Variants in SPTA1 observed in about 807,000 individuals in gnomAD.
The protein encoded by SPTA1 is spectrin alpha chain, erythrocytic 1.
In SPTA1, 177 loss-of-function variants were observed where a neutral mutation model predicts 324.7. The observed-to-expected ratio is 0.55, with a 90% CI of 0.48 to 0.62. The LOEUF (loss-of-function observed/expected upper bound fraction) is 0.62, where lower values mean the gene tolerates loss of function less well. Ranked by LOEUF, SPTA1 falls within the 20% of genes least tolerant of loss-of-function variation. The pLI is 0.00. For synonymous variants in SPTA1, 1,195 were observed against 1,041.3 expected (o/e 1.15, Z -2.84); for missense variants, 3,162 against 2,883.6 (o/e 1.10, Z -2.21).
chr1:158,652,815 A>G (rs1202202645), intron 22 of SPTA1, among the ~76,000 whole-genome samples, 162 bp from the exon 23 acceptor site: 1 of 152,220 alleles, frequency 6.6e-6, no homozygotes, highest in Admixed American at 6.5e-5. Flanking sequence ...TAGAAGGAAA[A>G]CAGCCTTGGG....
rs753570900 is a variant in SPTA1 at position 158,644,254 on chromosome 1, TG to T, written c.4336del (p.Gln1446ArgfsTer8). The T allele has an allele frequency of 6.2e-7, 1 of 1,613,848 alleles. No homozygotes were observed. The highest frequency in any genetic ancestry group is 2.2e-5 in the East Asian group (1 of 44,870). On this transcript the variant is annotated frameshift_variant and splice_region_variant, in exon 30 of 52. Transcript: ENST00000643759. LOFTEE classifies it high-confidence loss of function. ...RDDLDKAITA[Q>X]EGKITDLEHF... ...AATTCCTTTACTAGTCATTATTACC[TG>T]GGCAGTGATTGCTTTGTCCAAATCG...
Position 158,685,336 on chromosome 1 carries a change from G to T in SPTA1, c.36C>A (p.Ser12Arg), listed in dbSNP as rs776887942. 6.2e-7 allele frequency: 1 copy of T among 1,613,360 alleles called. No individual in the cohort carries two copies. Among genetic ancestry groups the T allele is most frequent in the South Asian group, 1.1e-5 (1 of 91,074 alleles). The change falls in exon 2 of 52, where the codon AGC (serine) becomes AGA (arginine). Residue 12 changes from serine (S) to arginine (R), a missense_variant. Physicochemically the swap from Ser to Arg is moderately radical, Grantham distance 110. Coordinates refer to ENST00000643759, the MANE Select transcript of SPTA1 (RefSeq NM_003126.4). ...EQFPKETVVE[S>R]SGPKVLETAE... The stretch of plus-strand genomic sequence containing the variant: ...CTGTTTCCAAAACCTTTGGCCCACT[G>T]CTCTCCACAACCTGCAAGTTAAAAA...
chr1:158,657,710 A>G lies in SPTA1; in HGVS notation c.2588-16T>C, dbSNP rs977123945. On this transcript the variant is annotated splice_polypyrimidine_tract_variant and intron_variant, in intron 18 of 51. Transcript: ENST00000643759. ...GCAAAGTGTCCTATGGAGTAATTAT[A>G]GAAAAGGTGAGTATGATCCTCATGA... 6 of 1,612,432 alleles carry G rather than the reference A, an allele frequency of 3.7e-6. No individual in the cohort carries two copies. Among genetic ancestry groups the G allele is most frequent in the Non-Finnish European group, 4.2e-6 (5 of 1,178,624 alleles).
intron 4 of SPTA1, 143 bp downstream of exon 4, chr1:158,681,384 G>A (rs1208592455): frequency 3.6e-5 from 46 of 1,284,256 alleles, no homozygotes; most frequent in Non-Finnish European, 5.0e-5. Context: ...CTACATTTTG[G>A]CCCCAATTTC....
chr1:158,629,071 G>A (rs1028107921), intron 39 of SPTA1, among the ~76,000 whole-genome samples: 11 of 151,808 alleles, frequency 7.2e-5, no homozygotes, highest in African/African-American at 9.7e-5. Flanking sequence ...AAACACCTTC[G>A]CAAAGTCAGC....
chr1:158,648,878 C>T (rs190014665), intron 25 of SPTA1, among the ~76,000 whole-genome samples: 1 of 151,278 alleles, frequency 6.6e-6, no homozygotes, highest in Admixed American at 6.7e-5. Flanking sequence ...TTAAATAGAT[C>T]AGAAAACTGA....
At chr1:158,615,999 C>T (rs376960601) in intron 47 of SPTA1, among the ~76,000 whole-genome samples, 8 of 152,246 alleles carry the variant, frequency 5.3e-5, no homozygotes, top group Non-Finnish European at 4.4e-5. Flanking sequence ...GAATATTGCT[C>T]ATAAGGGTAA....
At chr1:158,643,007 C>G in intron 31 of SPTA1, 31 bp from the exon 32 acceptor site, 1 of 1,612,714 alleles carries the variant, frequency 6.2e-7, no homozygotes, top group Non-Finnish European at 8.5e-7. Context: ...ACTCTATGCC[C>G]TCCTCCACCC....
At position 158,622,998 on chromosome 1, in the gene SPTA1, C is replaced by T; in HGVS notation, c.6105G>A (p.Gln2035=). The change falls in exon 43 of 52, where the codon CAG becomes CAA. Residue 2035 remains glutamine, a synonymous_variant. Coordinates refer to ENST00000643759, the MANE Select transcript of SPTA1 (RefSeq NM_003126.4). ...AVHRQKLLEK[Q]LPLQKAEDLF... The stretch of plus-strand genomic sequence containing the variant: ...TTTTTTAAACCTTCTGTAGAGGCAG[C>T]TGTTTCTCCAGCAATTTCTGTCTGT... 1 of 1,614,126 alleles carries T rather than the reference C, an allele frequency of 6.2e-7. No individual in the cohort carries two copies. The highest frequency in any genetic ancestry group is 8.5e-7 in the Non-Finnish European group (1 of 1,179,962).
intron 45 of SPTA1, among the ~76,000 whole-genome samples, chr1:158,618,878 T>C: frequency 6.6e-6 from 1 of 152,158 alleles, no homozygotes; most frequent in South Asian, 2.1e-4. Context: ...AGTGAGGTAA[T>C]GGATATGGAA....
chr1:158,676,140 C>A lies in SPTA1; in HGVS notation c.1112+1G>T, dbSNP rs1321670820. 1 of 1,613,452 alleles carries A rather than the reference C, an allele frequency of 6.2e-7. No homozygotes were observed. Among genetic ancestry groups the A allele is most frequent in the Non-Finnish European group, 8.5e-7 (1 of 1,179,580 alleles). The stretch of plus-strand genomic sequence containing the variant: ...AGCAATAAAGGGGAGGGATTTCCCA[C>A]CAATAAGTAGCCTGCAGTTTTTCAT... On this transcript the variant is annotated splice_donor_variant, in intron 8 of 51. Transcript: ENST00000643759. LOFTEE classifies it high-confidence loss of function.
intron 13 of SPTA1, 38 bp downstream of exon 13, chr1:158,669,671 T>A (rs1180349564): frequency 1.9e-6 from 3 of 1,613,896 alleles, no homozygotes; most frequent in Non-Finnish European, 2.5e-6. Flanking sequence ...TTGATTCTAG[T>A]GTGTAGGCAC....
Position 158,661,308 on chromosome 1 carries a change from C to T in SPTA1, c.2566G>A (p.Gly856Arg), listed in dbSNP as rs918051596. ...ATACCTTCCTCTACCATTTTGTTTCCCCTTTCTGTTATCTCTTGAATGCGT... is the reference window on the plus strand; with the variant it reads ...ATACCTTCCTCTACCATTTTGTTTCTCCTTTCTGTTATCTCTTGAATGCGT... Reference protein sequence around the residue: ...EPRIQEITERGNKMVEEGHFA... With the variant: ...EPRIQEITERRNKMVEEGHFA... Residue 856 changes from glycine (G) to arginine (R), a missense_variant, in exon 18 of 52, where the codon GGA becomes AGA. Gly to Arg is a moderately radical substitution (Grantham distance 125). Transcript: ENST00000643759. The T allele has an allele frequency of 3.1e-6, 5 of 1,613,704 alleles. No individual in the cohort carries two copies. The highest frequency in any genetic ancestry group is 1.3e-5 in the African/African-American group (1 of 74,850).
rs1655168871 is a variant in SPTA1, at chr1:158,686,270, T to C, written c.24+224A>G. On this transcript the variant is annotated intron_variant, in intron 1 of 51. Transcript: ENST00000643759. ...GTTATTTAGCTTCAATCTCCCTACTTATTCTCTCTGGGAACCGACTTAAGT... is the reference window on the plus strand; with the variant it reads ...GTTATTTAGCTTCAATCTCCCTACTCATTCTCTCTGGGAACCGACTTAAGT... Among the ~76,000 whole-genome samples the C allele has an allele frequency of 2.6e-5, 4 of 152,208 alleles. No individual in the cohort carries two copies. The South Asian group carries it at 8.3e-4, about 31-fold the overall frequency.
intron 15 of SPTA1, among the ~76,000 whole-genome samples, chr1:158,666,866 T>A (rs951709904): frequency 6.6e-6 from 1 of 152,152 alleles, no homozygotes; most frequent in African/African-American, 2.4e-5. Context: ...AGAAGCATAA[T>A]GAGGTTGGTT....
At chr1:158,621,340 A>G (rs529537896) in intron 43 of SPTA1, among the ~76,000 whole-genome samples, 3 of 152,342 alleles carry the variant, frequency 2.0e-5, no homozygotes, top group South Asian at 2.1e-4. Flanking sequence ...ATTAAAAAGA[A>G]GAAAACTGGC....
In SPTA1 at chr1:158,669,745, A is replaced by G. The variant is rs35932551; in HGVS notation, c.1641T>C (p.His547=). 180 of 1,614,002 alleles carry G rather than the reference A, an allele frequency of 1.1e-4. 1 individual carries two copies. The highest frequency in any genetic ancestry group is 1.6e-4 in the Middle Eastern group (1 of 6,084). The change falls in exon 13 of 52, where the codon CAT becomes CAC. Residue 547 remains histidine (H), a synonymous_variant. Coordinates refer to ENST00000643759, the MANE Select transcript of SPTA1 (RefSeq NM_003126.4). ...KTATKLIGDD[H]YDSENIKAIR... is the part of the protein sequence containing the mutation. Reference sequence around the variant, plus strand: ...TAGCCTTGATGTTCTCTGAATCATAATGGTCATCACCAATCAATTTGGTTG... The same window carrying G: ...TAGCCTTGATGTTCTCTGAATCATAGTGGTCATCACCAATCAATTTGGTTG...
intron 48 of SPTA1, chr1:158,614,541 A>C (rs1649444122): frequency 2.3e-6 from 1 of 435,900 alleles, no homozygotes; most frequent in Non-Finnish European, 4.1e-6. Flanking sequence ...CAATCAAAAG[A>C]AAATTTTTTG....
rs1265096400 is a variant in SPTA1, at chr1:158,674,546, C to T, written c.1242G>A (p.Gln414=). The part of the protein sequence containing the change: ...GGEVLLDRHQ[Q]HKHEIDSYDD... ...GGCAGCCTTTCTTCTCTACCTTATG[C>T]TGCTGATGCCTGTCCAGCAGAACTT... Residue 414 remains glutamine (Q), a synonymous_variant, in exon 9 of 52, where the codon CAG becomes CAA. Transcript: ENST00000643759. The T allele has an allele frequency of 6.2e-7, 1 of 1,614,106 alleles. No individual in the cohort carries two copies. The highest frequency in any genetic ancestry group is 8.5e-7 in the Non-Finnish European group (1 of 1,179,996).
Sources: allele counts gnomAD v4.1 joint callset (sites outside exome capture counted in the v4.1 genomes callset), GRCh38; gene constraint gnomAD v4.1.1; transcripts MANE v1.5; gene names NCBI Gene and HGNC (gene_info 2026-07-23, HGNC 2026-07-21).